The following ADK variants were observed in gnomAD, a reference collection of about 807,000 sequenced individuals.
The protein encoded by ADK is adenosine kinase.
In ADK, 24 loss-of-function variants were observed where a neutral mutation model predicts 44.7. The observed-to-expected ratio is 0.54, with a 90% CI of 0.39 to 0.76. ADK has a LOEUF of 0.76. ADK is among the 30% of genes least tolerant of loss of function. The pLI is 0.00. For synonymous variants in ADK, 128 were observed against 142.6 expected, an observed-to-expected ratio of 0.90 and a Z score of 0.73; for missense variants, 321 against 425.1, an observed-to-expected ratio of 0.76 and a Z score of 2.15.
At chr10:74,677,611 CA>C (rs748449399) in intron 10 of ADK, among the ~76,000 whole-genome samples, 2 of 152,108 alleles carry the variant, frequency 1.3e-5, no homozygotes, top group Non-Finnish European at 2.9e-5. Flanking sequence ...TATTGTTTCT[CA>C]GACTTCTTCA....
chr10:74,617,502 T>C (rs1348805362), intron 9 of ADK, among the ~76,000 whole-genome samples: 1 of 152,224 alleles, frequency 6.6e-6, no homozygotes, highest in African/African-American at 2.4e-5. Flanking sequence ...ACAGATTGAT[T>C]ATGGAAAGAT....
chr10:74,337,161 G>A (rs10824152), intron 4 of ADK, among the ~76,000 whole-genome samples: 73,352 of 152,142 alleles, frequency 0.48, 20,175 homozygotes, highest in Non-Finnish European at 0.62. Flanking sequence ...GGAGACGTAT[G>A]TAACAGGCAA....
intron 6 of ADK, among the ~76,000 whole-genome samples, chr10:74,416,043 C>T (rs888200313): frequency 2.1e-4 from 31 of 149,820 alleles, no homozygotes; most frequent in African/African-American, 7.4e-4. Flanking sequence ...TACACACACA[C>T]ACACACACAC....
intron 9 of ADK, among the ~76,000 whole-genome samples, chr10:74,647,824 CT>C (rs1049055496): frequency 1.4e-4 from 22 of 152,044 alleles, no homozygotes; most frequent in African/African-American, 5.3e-4. Context: ...GAGGCAAACC[CT>C]ATGCATTTAA....
intron 1 of ADK, among the ~76,000 whole-genome samples, chr10:74,181,244 TG>T (rs201319970): frequency 6.6e-5 from 10 of 151,684 alleles, no homozygotes; most frequent in South Asian, 2.1e-4. Flanking sequence ...GATTTTTTTT[TG>T]GGGGGGGTCT....
intron 6 of ADK, among the ~76,000 whole-genome samples, chr10:74,435,684 C>G (rs1269687522): frequency 1.3e-5 from 2 of 151,978 alleles, no homozygotes. Context: ...TTAAACTCAG[C>G]AAATCACAAC....
At chr10:74,274,197 A>G (rs540366826) in intron 3 of ADK, among the ~76,000 whole-genome samples, 14 of 152,234 alleles carry the variant, frequency 9.2e-5, no homozygotes, top group Non-Finnish European at 1.6e-4. Context: ...AACATAGTCT[A>G]TAAACACATA....
intron 2 of ADK, among the ~76,000 whole-genome samples, chr10:74,206,405 G>A (rs559120377): frequency 1.4e-4 from 22 of 152,318 alleles, no homozygotes; most frequent in Admixed American, 1.2e-3. Context: ...GTGAGTGACT[G>A]CAGTGAGTAG....
At chr10:74,620,509 A>C (rs1349508240) in intron 9 of ADK, among the ~76,000 whole-genome samples, 1 of 152,120 alleles carries the variant, frequency 6.6e-6, no homozygotes, top group Non-Finnish European at 1.5e-5. Context: ...TTCTTTATCC[A>C]TTTATCTGTT....
intron 10 of ADK, among the ~76,000 whole-genome samples, chr10:74,689,656 G>A (rs937537995): frequency 6.6e-6 from 1 of 152,104 alleles, no homozygotes; most frequent in African/African-American, 2.4e-5. Context: ...CCATTCCTTC[G>A]TTTATAGGTG....
intron 3 of ADK, among the ~76,000 whole-genome samples, chr10:74,305,199 A>G (rs1032562664): frequency 3.9e-5 from 6 of 152,180 alleles, no homozygotes; most frequent in African/African-American, 9.7e-5. Flanking sequence ...AATATTTTCA[A>G]TCTGTGGTTG....
intron 3 of ADK, among the ~76,000 whole-genome samples, chr10:74,253,004 C>T (rs1288542355): frequency 6.6e-6 from 1 of 152,176 alleles, no homozygotes; most frequent in Non-Finnish European, 1.5e-5. Flanking sequence ...GCATTACTTC[C>T]AGGAATGTTA....
At chr10:74,573,878 G>T (rs902259070) in intron 7 of ADK, among the ~76,000 whole-genome samples, 1 of 152,210 alleles carries the variant, frequency 6.6e-6, no homozygotes, top group Non-Finnish European at 1.5e-5. Context: ...TATTGAGGTG[G>T]GAATGACCCG....
intron 6 of ADK, among the ~76,000 whole-genome samples, chr10:74,460,137 A>C (rs1846118224): frequency 6.6e-6 from 1 of 152,156 alleles, no homozygotes. Context: ...TCTTCACCCT[A>C]ACGGCAAAAG....
At chr10:74,349,780 A>G (rs1045969413) in intron 4 of ADK, among the ~76,000 whole-genome samples, 2 of 152,238 alleles carry the variant, frequency 1.3e-5, no homozygotes, top group African/African-American at 4.8e-5. Context: ...GTCTCTGATA[A>G]AACAGGCTTT....
intron 1 of ADK, among the ~76,000 whole-genome samples, chr10:74,153,275 G>T (rs4746177): frequency 6.6e-6 from 1 of 152,026 alleles, no homozygotes; most frequent in Non-Finnish European, 1.5e-5. Flanking sequence ...GACATTTGGC[G>T]TGGTCTAGAA....
At chr10:74,674,647 C>T (rs767298650) in intron 10 of ADK, among the ~76,000 whole-genome samples, 11 of 152,030 alleles carry the variant, frequency 7.2e-5, no homozygotes, top group African/African-American at 1.7e-4. Flanking sequence ...TTTGGGAGGC[C>T]GAAGCATGTG....
At chr10:74,604,290 A>G (rs1341847657) in intron 9 of ADK, among the ~76,000 whole-genome samples, 9 of 152,094 alleles carry the variant, frequency 5.9e-5, no homozygotes, top group African/African-American at 1.9e-4. Context: ...TTTTGTTCCC[A>G]TTACTTTTGG....
intron 4 of ADK, among the ~76,000 whole-genome samples, chr10:74,325,169 G>A (rs939799859): frequency 4.6e-5 from 7 of 151,880 alleles, no homozygotes; most frequent in African/African-American, 9.7e-5. Flanking sequence ...TTTCATCAGC[G>A]TTTTATACTT....
Sources: gnomAD v4.1 joint callset for allele counts (sites outside exome capture counted in the v4.1 genomes callset) on GRCh38, gnomAD v4.1.1 for gene constraint, MANE v1.5 for transcripts, NCBI Gene and HGNC (gene_info 2026-07-23, HGNC 2026-07-21) for gene names.